Variants in ANKFN1 observed in about 807,000 individuals in gnomAD.
The protein encoded by ANKFN1 is ankyrin repeat and fibronectin type III domain containing 1, also known as ankyrin repeat and fibronectin type-III domain-containing protein 1.
A neutral mutation model predicts 108.7 loss-of-function variants in ANKFN1; 74 were observed. The ratio of observed to expected loss-of-function variants is 0.68; its 90% CI spans 0.56 to 0.83. The LOEUF is 0.83. ANKFN1 is among the 40% of genes least tolerant of loss of function. The pLI, the probability that ANKFN1 is intolerant of heterozygous loss-of-function variation, is 0.00. For missense variants in ANKFN1, 1,505 were observed against 1,382.3 expected (o/e 1.09, Z -1.41); for synonymous variants, 547 against 516.2 (o/e 1.06, Z -0.81).
At chr17:56,456,792 G>T in intron 11 of ANKFN1, 69 bp from the exon 12 acceptor site, 2 of 1,310,902 alleles carry the variant, frequency 1.5e-6, no homozygotes, top group Non-Finnish European at 2.2e-6. Context: ...CAGGAAGGTA[G>T]GAAAATGGAA....
intron 3 of ANKFN1, among the ~76,000 whole-genome samples, chr17:56,276,474 G>C (rs1449500543): frequency 6.6e-6 from 1 of 152,092 alleles, no homozygotes; most frequent in Non-Finnish European, 1.5e-5. Flanking sequence ...ACCAACACTG[G>C]AAAAGTGCTC....
At chr17:56,299,416 T>C (rs2044609394) in intron 3 of ANKFN1, among the ~76,000 whole-genome samples, 1 of 152,214 alleles carries the variant, frequency 6.6e-6, no homozygotes, top group Admixed American at 6.5e-5. Context: ...TAAAATTCTT[T>C]GCAAAAGCTT....
rs934450951 is a variant in ANKFN1, at chr17:56,072,311, A to G, written c.288+25986A>G. ...TCATTCATTTCCTTTTTTAACTCTTATTGATATGTAGTGTACGTATAAGAA... is the reference window on the plus strand; with the variant it reads ...TCATTCATTTCCTTTTTTAACTCTTGTTGATATGTAGTGTACGTATAAGAA... On this transcript the variant is annotated intron_variant, in intron 4 of 12. Coordinates refer to the ANKFN1 transcript ENST00000635860. Among the ~76,000 whole-genome samples the G allele has an allele frequency of 5.9e-5, 9 of 151,984 alleles. 2 individuals are homozygous for G. In the Middle Eastern group the frequency reaches 0.016, roughly 267 times the overall value.
At chr17:56,254,742 G>A (rs1392417348) in intron 3 of ANKFN1, among the ~76,000 whole-genome samples, 1 of 152,110 alleles carries the variant, frequency 6.6e-6, no homozygotes, top group Non-Finnish European at 1.5e-5. Context: ...CAAGACAGAG[G>A]TACAGCAGAG....
At chr17:56,129,037 G>GA (rs1378070825) in intron 4 of ANKFN1, among the ~76,000 whole-genome samples, 2 of 151,994 alleles carry the variant, frequency 1.3e-5, no homozygotes, top group African/African-American at 4.8e-5. Context: ...AAGATGAGGA[G>GA]AAAAAAGGAG....
chr17:56,167,516 A>G (rs1910264563), intron 1 of ANKFN1, among the ~76,000 whole-genome samples: 2 of 152,006 alleles, frequency 1.3e-5, no homozygotes, highest in Non-Finnish European at 2.9e-5. Context: ...GCCCAATTAA[A>G]TCTGGGTTTG....
intron 4 of ANKFN1, among the ~76,000 whole-genome samples, chr17:56,126,038 G>C (rs1330564293): frequency 6.6e-6 from 1 of 152,150 alleles, no homozygotes; most frequent in Non-Finnish European, 1.5e-5. Context: ...GCCCCGCCCG[G>C]GGCTGCTGTT....
chr17:56,071,789 T>G (rs1905124025), intron 4 of ANKFN1, among the ~76,000 whole-genome samples: 1 of 152,246 alleles, frequency 6.6e-6, no homozygotes. Flanking sequence ...CATATCCCAG[T>G]GCTTTGCAAT....
In ANKFN1 at chr17:56,467,807, A is replaced by AGAAAG. The variant is rs1568026500; in HGVS notation, c.1773+1236_1773+1237insGAAAG. On this transcript the variant is annotated intron_variant, in intron 15 of 20. Coordinates refer to ENST00000682825, the MANE Select transcript of ANKFN1 (RefSeq NM_001370326.1). ...AGAAAGAAAGAAGAAAGAAAGAAAG[A>AGAAAG]AAGAAAGAAAGAAAGAAAGAAAGAA... 3.0e-4 allele frequency among the ~76,000 whole-genome samples: 10 copies of AGAAAG among 32,852 alleles called. 1 individual carries two copies. Among genetic ancestry groups the AGAAAG allele is most frequent in the African/African-American group, 1.5e-3 (9 of 6,102 alleles). 21.6% of individuals were successfully genotyped at this position (32,852 alleles called of 152,430 possible).
chr17:56,473,748 A>G (rs1438292754), intron 15 of ANKFN1: 5 of 152,182 alleles, frequency 3.3e-5, no homozygotes, highest in African/African-American at 4.8e-5. Context: ...TCAGGCTCCA[A>G]AACATTTTAA....
Position 56,048,912 on chromosome 17 carries a change from T to A in ANKFN1, c.288+2587T>A, listed in dbSNP as rs189562800. Among the ~76,000 whole-genome samples the A allele has an allele frequency of 1.0e-3, 158 of 151,902 alleles. 1 individual carries two copies. Among genetic ancestry groups the A allele is most frequent in the African/African-American group, 3.6e-3 (151 of 41,392 alleles). On this transcript the variant is annotated intron_variant, in intron 4 of 12. Transcript: ENST00000635860. Reference sequence around the variant, plus strand: ...GATGTCTGGCAGAGTGGGTGTGGGGTTTGGGGGAAGGTGAAGACTAGCAAA... The same window carrying A: ...GATGTCTGGCAGAGTGGGTGTGGGGATTGGGGGAAGGTGAAGACTAGCAAA...
chr17:56,477,131 T>A (rs960750728), intron 15 of ANKFN1, among the ~76,000 whole-genome samples: 3 of 152,210 alleles, frequency 2.0e-5, no homozygotes, highest in Admixed American at 6.5e-5. Flanking sequence ...TTCTCCCAGC[T>A]AAACATTAAA....
At chr17:56,118,487 C>T (rs970622234) in intron 4 of ANKFN1, among the ~76,000 whole-genome samples, 1 of 152,106 alleles carries the variant, frequency 6.6e-6, no homozygotes, top group Non-Finnish European at 1.5e-5. Flanking sequence ...GTGATATTTA[C>T]TTATGTCCCT....
chr17:56,356,500 A>C (rs897962949), intron 6 of ANKFN1, among the ~76,000 whole-genome samples: 1 of 152,204 alleles, frequency 6.6e-6, no homozygotes, highest in Non-Finnish European at 1.5e-5. Flanking sequence ...GACTAGGTAC[A>C]GAAGCAGATC....
chr17:56,348,386 A>G (rs1258324544), intron 4 of ANKFN1, among the ~76,000 whole-genome samples: 3 of 152,034 alleles, frequency 2.0e-5, no homozygotes, highest in Non-Finnish European at 4.4e-5. Flanking sequence ...AAAAGGATCT[A>G]GGAAGTCTTT....
rs910816399 is a variant in ANKFN1, at chr17:56,442,896, T to C, written c.1062T>C (p.Pro354=). 14 of 1,613,826 alleles carry C rather than the reference T, an allele frequency of 8.7e-6. 1 individual carries two copies. The highest frequency in any genetic ancestry group is 4.5e-5 in the East Asian group (2 of 44,862). ...CTTACAATATGAAAGGATGGGGACC[T>C]GCTCAGACCACGACACCGGCATGTG... is the stretch of plus-strand genomic sequence containing the variant. The part of the protein sequence containing the change: ...VSAYNMKGWG[P]AQTTTPACAS... Residue 354 remains proline (P), a synonymous_variant, in exon 10 of 21, where the codon CCT becomes CCC. Coordinates refer to ENST00000682825, the MANE Select transcript of ANKFN1 (RefSeq NM_001370326.1).
At chr17:56,507,440 A>G (rs1016348241) in intron 20 of ANKFN1, among the ~76,000 whole-genome samples, 1 of 151,752 alleles carries the variant, frequency 6.6e-6, no homozygotes, top group Non-Finnish European at 1.5e-5. Context: ...CTCACAATTG[A>G]TCACCCCTCC....
chr17:56,153,595 A>G, intron 1 of ANKFN1, 65 bp downstream of exon 1: 1 of 1,594,670 alleles, frequency 6.3e-7, no homozygotes, highest in Non-Finnish European at 8.6e-7. Context: ...TGCATTCAAC[A>G]GGCAGGAAAA....
intron 3 of ANKFN1, among the ~76,000 whole-genome samples, chr17:56,279,137 C>T (rs1215903504): frequency 6.6e-6 from 1 of 152,016 alleles, no homozygotes; most frequent in East Asian, 1.9e-4. Flanking sequence ...GTAGCCTCTG[C>T]CTTTGAGGAG....
Sources: gnomAD v4.1 joint callset for allele counts (sites outside exome capture counted in the v4.1 genomes callset) on GRCh38, gnomAD v4.1.1 for gene constraint, MANE v1.5 for transcripts, NCBI Gene and HGNC (gene_info 2026-07-23, HGNC 2026-07-21) for gene names.